Variants in TMLHE observed in about 807,000 individuals in gnomAD.
The protein encoded by TMLHE is trimethyllysine hydroxylase, epsilon.
Under a neutral mutation model 25.7 loss-of-function variants are expected in TMLHE, and 18 were observed. That is an observed-to-expected ratio of 0.70 (90% confidence interval 0.48 to 1.04). The LOEUF (loss-of-function observed/expected upper bound fraction) is 1.04. TMLHE is among the 50% of genes least tolerant of loss of function. The pLI, the probability that TMLHE is intolerant of heterozygous loss-of-function variation, is 0.00. For missense variants in TMLHE, 236 were observed against 259.0 expected (o/e 0.91, Z 0.61); for synonymous variants, 105 against 97.0 (o/e 1.08, Z -0.49).
At chrX:155,513,521 C>T (rs1557334105) in intron 4 of TMLHE, among the ~76,000 whole-genome samples, 1 of 110,770 alleles carries the variant, frequency 9.0e-6, no homozygotes, top group African/African-American at 3.3e-5. Context: ...GTGTTATTAA[C>T]AATCAGTCTC....
rs1235666658 is a variant in TMLHE at position 155,569,823 on chromosome X, C to T, written c.-1-24546G>A. Among the ~76,000 whole-genome samples the T allele has an allele frequency of 2.7e-4, 15 of 55,751 alleles. 2 individuals carry two copies. The highest frequency in any genetic ancestry group is 5.6e-4 in the African/African-American group (13 of 23,063). 48.4% of individuals were successfully genotyped at this position (55,751 alleles called of 115,157 possible). On this transcript the variant is annotated intron_variant, in intron 1 of 7. Transcript: ENST00000334398. Reference sequence around the variant, plus strand: ...CACCACCAGGCCTGCCCTAAAACAGCTCCTGAAGGAAGCACTAAACATGGA... The same window carrying T: ...CACCACCAGGCCTGCCCTAAAACAGTTCCTGAAGGAAGCACTAAACATGGA...
intron 4 of TMLHE, among the ~76,000 whole-genome samples, chrX:155,512,187 T>A (rs782029495): frequency 9.0e-6 from 1 of 110,841 alleles, no homozygotes; most frequent in Non-Finnish European, 1.9e-5. Flanking sequence ...ATTATTATAC[T>A]TTAAGTTTTA....
intron 2 of TMLHE, among the ~76,000 whole-genome samples, chrX:155,539,164 G>A (rs1397405414): frequency 9.0e-6 from 1 of 111,313 alleles, no homozygotes; most frequent in Non-Finnish European, 1.9e-5. Flanking sequence ...TTATCCTAGG[G>A]GGGAAAAGAA....
intron 1 of TMLHE, among the ~76,000 whole-genome samples, chrX:155,579,430 A>G (rs2067611451): frequency 8.9e-6 from 1 of 112,340 alleles, no homozygotes; most frequent in Admixed American, 9.4e-5. Context: ...AGAATAGAGA[A>G]CACAGAAATA....
chrX:155,592,230 TAAAC>T lies in TMLHE; in HGVS notation c.-2+20558_-2+20561del, dbSNP rs781822632. On this transcript the variant is annotated intron_variant, in intron 1 of 7. Transcript: ENST00000334398. ...GACTGGGGAGATGTTGGTCAAATGATAAACAATTTCAATTTGACAGGAGAAAGGA... is the reference window on the plus strand; with the variant it reads ...GACTGGGGAGATGTTGGTCAAATGATAATTTCAATTTGACAGGAGAAAGGA... Among the ~76,000 whole-genome samples the T allele has an allele frequency of 1.1e-3, 127 of 111,778 alleles. 4 individuals are homozygous for T. The South Asian group carries it at 0.047, about 41-fold the overall frequency.
intron 2 of TMLHE, among the ~76,000 whole-genome samples, chrX:155,535,270 C>T (rs1557337480): frequency 1.8e-5 from 2 of 112,037 alleles, no homozygotes; most frequent in African/African-American, 6.5e-5. Flanking sequence ...GCTGCTATAA[C>T]AAAATTATAA....
intron 1 of TMLHE, among the ~76,000 whole-genome samples, chrX:155,575,592 T>G (rs2067584914): frequency 9.0e-6 from 1 of 111,355 alleles, no homozygotes; most frequent in African/African-American, 3.3e-5. Flanking sequence ...TAAGCAAGTT[T>G]CAAAGAAACA....
In TMLHE at chrX:155,545,084, C is replaced by T. The variant is rs1358719981; in HGVS notation, c.181+12G>A. 5.8e-6 allele frequency: 7 copies of T among 1,204,685 alleles called. No homozygotes were observed. The highest frequency in any genetic ancestry group is 7.8e-6 in the Non-Finnish European group (7 of 892,547). The stretch of plus-strand genomic sequence containing the variant: ...AAGTTTTAAAAAGTATCTGTCTTCA[C>T]ACATCTCTTACCAAAATGATCTTCA... On this transcript the variant is annotated intron_variant, in intron 2 of 7. Coordinates refer to ENST00000334398, the MANE Select transcript of TMLHE (RefSeq NM_018196.4).
At chrX:155,551,074 C>T (rs781824674) in intron 1 of TMLHE, among the ~76,000 whole-genome samples, 1 of 110,508 alleles carries the variant, frequency 9.0e-6, no homozygotes, top group Non-Finnish European at 1.9e-5. Flanking sequence ...CCCTTCATAA[C>T]CATTTCAACA....
At chrX:155,608,173 A>C (rs1335451148) in intron 1 of TMLHE, among the ~76,000 whole-genome samples, 8 of 112,234 alleles carry the variant, frequency 7.1e-5, no homozygotes, top group Non-Finnish European at 1.3e-4. Flanking sequence ...AGTCTACAGT[A>C]ACCAAAAGAG....
chrX:155,603,801 G>A (rs1315589615), intron 1 of TMLHE, among the ~76,000 whole-genome samples: 30 of 112,112 alleles, frequency 2.7e-4, no homozygotes, highest in Non-Finnish European at 5.3e-4. Flanking sequence ...AACGAAAGAC[G>A]TAAAAGTATA....
chrX:155,560,740 T>A (rs2067492255), intron 1 of TMLHE, among the ~76,000 whole-genome samples: 1 of 55,547 alleles, frequency 1.8e-5, no homozygotes, highest in South Asian at 1.1e-3. Flanking sequence ...AAATAATAGA[T>A]GAAGTGAGAA....
intron 1 of TMLHE, among the ~76,000 whole-genome samples, chrX:155,566,864 C>T (rs2067512990): frequency 1.6e-5 from 1 of 61,915 alleles, no homozygotes; most frequent in Non-Finnish European, 4.5e-5. Flanking sequence ...TCAAAGAAGT[C>T]TTCCTCACTT....
chrX:155,534,440 G>T (rs1403813415), intron 2 of TMLHE, among the ~76,000 whole-genome samples: 1 of 111,363 alleles, frequency 9.0e-6, no homozygotes, highest in Non-Finnish European at 1.9e-5. Flanking sequence ...TGCTGTGTTG[G>T]TCAGGCTGGT....
At chrX:155,536,413 T>C (rs181027652) in intron 2 of TMLHE, among the ~76,000 whole-genome samples, 75 of 111,880 alleles carry the variant, frequency 6.7e-4, no homozygotes, top group African/African-American at 2.3e-3. Flanking sequence ...CTATATGCTA[T>C]ATTCCATTTT....
intron 1 of TMLHE, among the ~76,000 whole-genome samples, chrX:155,548,594 G>A (rs2067382379): frequency 9.2e-6 from 1 of 108,811 alleles, no homozygotes; most frequent in Non-Finnish European, 1.9e-5. Flanking sequence ...AATTAGCCGG[G>A]TGTGGTGGCA....
chrX:155,588,537 G>C (rs1008150491), intron 1 of TMLHE, among the ~76,000 whole-genome samples: 1 of 111,338 alleles, frequency 9.0e-6, no homozygotes, highest in Non-Finnish European at 1.9e-5. Flanking sequence ...AATCAACAGA[G>C]TGAAGAGACA....
rs1252733203 is a variant in TMLHE at position 155,612,776 on chromosome X, A to G, written c.-2+16T>C. 1.8e-5 allele frequency: 2 copies of G among 112,010 alleles called. No homozygotes were observed. The highest frequency in any genetic ancestry group is 6.5e-5 in the African/African-American group (2 of 30,851). 9.2% of individuals were successfully genotyped at this position (112,010 alleles called of 1,213,427 possible). A position where few individuals can be genotyped will look rare whatever the true frequency, so the allele number is the denominator to read the frequency against. On this transcript the variant is annotated intron_variant, in intron 1 of 7. Coordinates refer to ENST00000334398, the MANE Select transcript of TMLHE (RefSeq NM_018196.4). Reference sequence around the variant, plus strand: ...CATGGGGACACCCCTTCCCTGACCCACGGGACGGAACCCACCTGTGCTGGA... The same window carrying G: ...CATGGGGACACCCCTTCCCTGACCCGCGGGACGGAACCCACCTGTGCTGGA...
intron 1 of TMLHE, among the ~76,000 whole-genome samples, chrX:155,601,692 AT>A (rs2067757089): frequency 8.9e-6 from 1 of 111,858 alleles, no homozygotes; most frequent in Non-Finnish European, 1.9e-5. Flanking sequence ...ATGTACATCT[AT>A]AAGTATAAAT....
Sources: allele counts gnomAD v4.1 joint callset (sites outside exome capture counted in the v4.1 genomes callset), GRCh38; gene constraint gnomAD v4.1.1; transcripts MANE v1.5; gene names NCBI Gene and HGNC (gene_info 2026-07-23, HGNC 2026-07-21).